The following AARD variants were observed in gnomAD, a reference collection of about 807,000 sequenced individuals.
The protein encoded by AARD is alanine- and arginine-rich domain-containing protein.
AARD carries 9 observed loss-of-function variants against 9.3 expected under a neutral mutation model. The observed-to-expected ratio is 0.97, with a 90% CI of 0.58 to 1.69. AARD has a LOEUF of 1.69. Among genes scored for constraint, AARD ranks in the 40% most tolerant of loss-of-function variants. The probability of loss-of-function intolerance (pLI) is 0.00; values close to 1 mark genes in which losing one functional copy is unlikely to be tolerated. For missense variants in AARD, 236 were observed against 210.3 expected (o/e 1.12, Z -0.76); for synonymous variants, 91 against 93.8 (o/e 0.97, Z 0.17).
chr8:116,939,420 C>T (rs1027178535), intron 1 of AARD, among the ~76,000 whole-genome samples: 4 of 152,106 alleles, frequency 2.6e-5, no homozygotes, highest in Non-Finnish European at 4.4e-5. Flanking sequence ...TCACCTGAGG[C>T]CAGGAGTTCG....
In AARD at chr8:116,942,675, A is replaced by G. The variant is rs373101045; in HGVS notation, c.442A>G (p.Lys148Glu). Reference protein sequence around the residue: ...LEITSDSQSPKDDAANPE With the variant: ...LEITSDSQSPEDDAANPE The stretch of plus-strand genomic sequence containing the variant: ...AATTACATCAGACTCCCAAAGCCCA[A>G]AAGATGATGCTGCGAATCCGGAATA... The change falls in exon 2 of 2, where the codon AAA becomes GAA. Residue 148 changes from lysine (K) to glutamate (E), a missense_variant. Lys to Glu is a moderately conservative substitution (Grantham distance 56). Coordinates refer to ENST00000378279, the MANE Select transcript of AARD (RefSeq NM_001025357.3). The G allele has an allele frequency of 8.7e-6, 14 of 1,613,906 alleles. No homozygotes were observed. The East Asian group carries it at 8.9e-5, about 10-fold the overall frequency.
chr8:116,943,012 A>AAG lies in AARD; in HGVS notation c.*312_*313insGA. ...AAGACTCCATCTCAAAAAAAAAAAA[A>AAG]AAAAAAAAAGCACACGCGAAGCTCT... On this transcript the variant is annotated 3_prime_UTR_variant, in exon 2 of 2. Transcript: ENST00000378279. The AAG allele has an allele frequency of 5.8e-6, 1 of 171,242 alleles. No homozygotes were observed. The highest frequency in any genetic ancestry group is 2.4e-5 in the African/African-American group (1 of 41,870). The allele number at this position is 171,242 out of a possible 1,614,324, so 10.6% of individuals were successfully genotyped here. A position where few individuals can be genotyped will look rare whatever the true frequency, so the allele number is the denominator to read the frequency against.
At position 116,938,480 on chromosome 8, in the gene AARD, G is replaced by T. The variant is rs779888171; in HGVS notation, c.237G>T (p.Val79=). 1 of 1,569,052 alleles carries T rather than the reference G, an allele frequency of 6.4e-7. No homozygotes were observed. The highest frequency in any genetic ancestry group is 8.6e-7 in the Non-Finnish European group (1 of 1,160,540). Residue 79 remains valine (V), a synonymous_variant, in exon 1 of 2, where the codon GTG becomes GTT. Transcript: ENST00000378279. ...WAVQRAISRR[V]QEAAAAAAAR... ...TGCAGCGCGCGATCTCGAGGCGCGT[G>T]CAGGAGGCGGCGGCGGCGGCGGCGG...
At chr8:116,941,544 T>G (rs1029617360) in intron 1 of AARD, among the ~76,000 whole-genome samples, 1 of 152,228 alleles carries the variant, frequency 6.6e-6, no homozygotes, top group African/African-American at 2.4e-5. Context: ...GTTGTGTGGT[T>G]ACTGTTAGTG....
At chr8:116,942,223 T>C (rs980346016) in intron 1 of AARD, among the ~76,000 whole-genome samples, 2 of 152,208 alleles carry the variant, frequency 1.3e-5, no homozygotes, top group Non-Finnish European at 2.9e-5. Flanking sequence ...TAAAGATAAA[T>C]GATTTCATTG....
At position 116,943,006 on chromosome 8, in the gene AARD, A is replaced by C. The variant is rs1477246712; in HGVS notation, c.*305A>C. On this transcript the variant is annotated 3_prime_UTR_variant, in exon 2 of 2. Transcript: ENST00000378279. ...CAGAGCAAGACTCCATCTCAAAAAAAAAAAAAAAAAAAAAAGCACACGCGA... is the reference window on the plus strand; with the variant it reads ...CAGAGCAAGACTCCATCTCAAAAAACAAAAAAAAAAAAAAAGCACACGCGA... 1 of 169,732 alleles carries C rather than the reference A, an allele frequency of 5.9e-6. No homozygotes were observed. The highest frequency in any genetic ancestry group is 1.3e-5 in the Non-Finnish European group (1 of 79,780). The allele number at this position is 169,732 out of a possible 1,614,324, so 10.5% of individuals were successfully genotyped here.
At position 116,942,823 on chromosome 8, in the gene AARD, AC is replaced by A; in HGVS notation, c.*125del. 1.1e-6 allele frequency: 1 copy of A among 929,640 alleles called. No individual in the cohort carries two copies. Among genetic ancestry groups the A allele is most frequent in the East Asian group, 2.7e-5 (1 of 37,066 alleles). 57.6% of individuals were successfully genotyped at this position (929,640 alleles called of 1,614,324 possible). ...AGACCATCCTGGCTAACACTGTGAA[AC>A]CCTGCCTCTACTAAAAATACAAAAA... On this transcript the variant is annotated 3_prime_UTR_variant, in exon 2 of 2. Transcript: ENST00000378279.
chr8:116,939,092 T>C (rs1813714999), intron 1 of AARD, among the ~76,000 whole-genome samples: 1 of 152,176 alleles, frequency 6.6e-6, no homozygotes, highest in South Asian at 2.1e-4. Flanking sequence ...TAGGTAAATA[T>C]TTTAGCTGAC....
chr8:116,939,209 T>C (rs1266000896), intron 1 of AARD, among the ~76,000 whole-genome samples: 1 of 152,210 alleles, frequency 6.6e-6, no homozygotes, highest in African/African-American at 2.4e-5. Flanking sequence ...AAGTGTGCAG[T>C]GGAGACTTGA....
chr8:116,938,417 C>T lies in AARD; in HGVS notation c.174C>T (p.Asp58=). 2 of 1,611,354 alleles carry T rather than the reference C, an allele frequency of 1.2e-6. No homozygotes were observed. The highest frequency in any genetic ancestry group is 1.7e-5 in the Admixed American group (1 of 59,898). The change falls in exon 1 of 2, where the codon GAC becomes GAT. Residue 58 remains aspartate (D), a synonymous_variant. Coordinates refer to ENST00000378279, the MANE Select transcript of AARD (RefSeq NM_001025357.3). ...EALAASPLLE[D]LRRRLTRAFQ... ...TCGCCGCCAGCCCGCTGCTGGAGGA[C>T]CTCAGACGACGGCTGACGCGCGCCT... is the stretch of plus-strand genomic sequence containing the variant.
chr8:116,938,659 G>C (rs1215304363), intron 1 of AARD, 92 bp downstream of exon 1: 16 of 1,370,148 alleles, frequency 1.2e-5, no homozygotes, highest in Non-Finnish European at 1.5e-5. Flanking sequence ...TAGCCCACCC[G>C]ACGCCTTGGG....
At chr8:116,939,891 T>C (rs1813725187) in intron 1 of AARD, among the ~76,000 whole-genome samples, 1 of 152,180 alleles carries the variant, frequency 6.6e-6, no homozygotes. Flanking sequence ...TGCATTGTAG[T>C]CTTGGGATCT....
chr8:116,941,784 T>C (rs953934667), intron 1 of AARD, among the ~76,000 whole-genome samples: 1 of 152,246 alleles, frequency 6.6e-6, no homozygotes, highest in Admixed American at 6.5e-5. Flanking sequence ...GAAGCTTTTT[T>C]AGCAGAGAGA....
Position 116,942,727 on chromosome 8 carries a change from G to A in AARD, c.*26G>A, listed in dbSNP as rs117182846. The A allele has an allele frequency of 6.3e-4, 1,019 of 1,606,808 alleles. 8 individuals are homozygous for A. The East Asian group carries it at 0.021, about 34-fold the overall frequency. On this transcript the variant is annotated 3_prime_UTR_variant, in exon 2 of 2. Transcript: ENST00000378279. ...AGAAATGCACACGCAAGGGCTGGGC[G>A]CGGTGGCTCACGCCTGTAATCCCAG...
At position 116,941,805 on chromosome 8, in the gene AARD, C is replaced by T. The variant is rs151198397; in HGVS notation, c.325-753C>T. Among the ~76,000 whole-genome samples, 213 of 152,252 alleles carry T rather than the reference C, an allele frequency of 1.4e-3. 7 individuals carry two copies. The South Asian group carries it at 0.041, about 29-fold the overall frequency. ...TTTTTAGCAGAGAGAACAAATTCCT[C>T]GTGAACTGCATTAAACAAGCCCTAG... On this transcript the variant is annotated intron_variant, in intron 1 of 1. Coordinates refer to ENST00000378279, the MANE Select transcript of AARD (RefSeq NM_001025357.3).
At chr8:116,938,672 GC>G in intron 1 of AARD, 105 bp downstream of exon 1, 3 of 1,357,198 alleles carry the variant, frequency 2.2e-6, no homozygotes, top group Non-Finnish European at 1.9e-6. Context: ...GCCTTGGGGG[GC>G]CCCTCAGGTC....
At chr8:116,941,860 A>C (rs1813749344) in intron 1 of AARD, among the ~76,000 whole-genome samples, 1 of 152,194 alleles carries the variant, frequency 6.6e-6, no homozygotes, top group African/African-American at 2.4e-5. Context: ...GTTGATCATT[A>C]GTTTTCAGTT....
Position 116,938,319 on chromosome 8 carries a change from C to G in AARD, c.76C>G (p.Leu26Val), listed in dbSNP as rs1248669595. The G allele has an allele frequency of 1.9e-6, 3 of 1,612,786 alleles. No homozygotes were observed. The highest frequency in any genetic ancestry group is 1.7e-4 in the Middle Eastern group (1 of 6,054). Residue 26 changes from leucine to valine, a missense_variant, in exon 1 of 2, where the codon CTT becomes GTT. By Grantham distance (32) the Leu-to-Val change is conservative. Coordinates refer to ENST00000378279, the MANE Select transcript of AARD (RefSeq NM_001025357.3). ...CCAGGGACTCCCAGGTAGAGCGGAGCTTTGGTTCCCACCTCGTCCCGCGTG... is the reference window on the plus strand; with the variant it reads ...CCAGGGACTCCCAGGTAGAGCGGAGGTTTGGTTCCCACCTCGTCCCGCGTG... ...GLQGLPGRAELWFPPRPACDF... is the reference protein window; with the variant it reads ...GLQGLPGRAEVWFPPRPACDF...
In AARD at chr8:116,943,904, G is replaced by T. The variant is rs926461549; in HGVS notation, c.*1203G>T. On this transcript the variant is annotated 3_prime_UTR_variant, in exon 2 of 2. Coordinates refer to ENST00000378279, the MANE Select transcript of AARD (RefSeq NM_001025357.3). ...GTTGTTCAGTTTTAGGAGTTAAAAT[G>T]GTTCTTACTGTTGAATTGGACTATC... 6.6e-6 allele frequency: 1 copy of T among 152,130 alleles called. No homozygotes were observed. Among genetic ancestry groups the T allele is most frequent in the African/African-American group, 2.4e-5 (1 of 41,420 alleles). 9.4% of individuals were successfully genotyped at this position (152,130 alleles called of 1,614,324 possible).
Sources: gnomAD v4.1 joint callset for allele counts (sites outside exome capture counted in the v4.1 genomes callset) on GRCh38, gnomAD v4.1.1 for gene constraint, MANE v1.5 for transcripts, NCBI Gene and HGNC (gene_info 2026-07-23, HGNC 2026-07-21) for gene names.